The following C9 variants were observed in gnomAD, a reference collection of about 807,000 sequenced individuals.
The protein encoded by C9 is complement component C9.
A neutral mutation model predicts 65.4 loss-of-function variants in C9; 63 were observed. That is an observed-to-expected ratio of 0.96 (90% CI 0.79 to 1.19). The LOEUF (loss-of-function observed/expected upper bound fraction) is 1.19, where lower values mean the gene tolerates loss of function less well. C9 is among the 50% of genes most tolerant of loss of function. The pLI, the probability that C9 is intolerant of heterozygous loss-of-function variation, is 0.00. For missense variants in C9, 744 were observed against 670.1 expected (o/e 1.11, Z -1.22); for synonymous variants, 229 against 227.9 (o/e 1.00, Z -0.04).
intron 9 of C9, among the ~76,000 whole-genome samples, chr5:39,295,328 CA>C (rs1178472347): frequency 1.3e-5 from 2 of 151,722 alleles, no homozygotes; most frequent in East Asian, 3.9e-4. Flanking sequence ...TACCAAAATA[CA>C]CTTAGAACTG....
At chr5:39,358,487 G>C (rs1343486205) in intron 1 of C9, among the ~76,000 whole-genome samples, 1 of 152,140 alleles carries the variant, frequency 6.6e-6, no homozygotes, top group African/African-American at 2.4e-5. Flanking sequence ...ATTTGATTCT[G>C]AGCTTGCTAG....
At chr5:39,345,349 CA>C (rs1434282615) in intron 1 of C9, among the ~76,000 whole-genome samples, 1 of 151,558 alleles carries the variant, frequency 6.6e-6, no homozygotes, top group Non-Finnish European at 1.5e-5. Flanking sequence ...AAATGAAAAA[CA>C]AAAAAAGGCA....
intron 5 of C9, among the ~76,000 whole-genome samples, chr5:39,330,779 A>G (rs1162773857): frequency 6.6e-6 from 1 of 152,250 alleles, no homozygotes; most frequent in East Asian, 1.9e-4. Flanking sequence ...CATGCCAGTC[A>G]AATGGTCAAG....
At chr5:39,302,862 C>T (rs1753308244) in intron 9 of C9, among the ~76,000 whole-genome samples, 1 of 152,170 alleles carries the variant, frequency 6.6e-6, no homozygotes, top group African/African-American at 2.4e-5. Flanking sequence ...TCTTACCAAT[C>T]AGGTAGAAGA....
In C9 at chr5:39,285,053, A is replaced by T; in HGVS notation, c.*146T>A. On this transcript the variant is annotated 3_prime_UTR_variant, in exon 11 of 11. Transcript: ENST00000263408. ...AGAAAAATTTAAAAAAAAATTATAG[A>T]CCTAAGAGAGAAGAGACTTCAGAGG... The T allele has an allele frequency of 2.8e-6, 2 of 702,814 alleles. No individual in the cohort carries two copies. Among genetic ancestry groups the T allele is most frequent in the East Asian group, 5.2e-5 (2 of 38,126 alleles). 43.5% of individuals were successfully genotyped at this position (702,814 alleles called of 1,614,324 possible).
chr5:39,362,443 T>C (rs1754537752), intron 1 of C9, among the ~76,000 whole-genome samples: 1 of 151,936 alleles, frequency 6.6e-6, no homozygotes, highest in Non-Finnish European at 1.5e-5. Context: ...CACCAGAAAC[T>C]AGGAGGGACC....
intron 9 of C9, among the ~76,000 whole-genome samples, chr5:39,306,203 T>C (rs1753373089): frequency 6.7e-6 from 1 of 150,232 alleles, no homozygotes; most frequent in African/African-American, 2.4e-5. Context: ...TAAATACAAT[T>C]CTCCTGTGTT....
chr5:39,356,590 C>G lies in C9; in HGVS notation c.77+7798G>C, dbSNP rs920556128. Among the ~76,000 whole-genome samples the G allele has an allele frequency of 4.1e-4, 63 of 152,238 alleles. 1 individual carries two copies. The highest frequency in any genetic ancestry group is 1.0e-4 in the Non-Finnish European group (7 of 68,048). ...AATAAATTGAAAATTGTTTTAACAC[C>G]TGGTTGTTTTGCCTTCACTGTGCCA... On this transcript the variant is annotated intron_variant, in intron 1 of 10. Transcript: ENST00000263408.
chr5:39,350,252 C>T (rs1308023726), intron 1 of C9, among the ~76,000 whole-genome samples: 3 of 152,154 alleles, frequency 2.0e-5, no homozygotes, highest in Admixed American at 2.0e-4. Flanking sequence ...AAAAGGAAGT[C>T]CAGCCCCACG....
At chr5:39,350,743 G>A (rs577054269) in intron 1 of C9, among the ~76,000 whole-genome samples, 40 of 152,240 alleles carry the variant, frequency 2.6e-4, no homozygotes, top group Non-Finnish European at 5.6e-4. Context: ...CTTCTGTGCC[G>A]CTGCCTGTAT....
At chr5:39,317,173 TG>T (rs1753582379) in intron 5 of C9, among the ~76,000 whole-genome samples, 1 of 152,222 alleles carries the variant, frequency 6.6e-6, no homozygotes, top group Non-Finnish European at 1.5e-5. Context: ...TCATATCCTT[TG>T]CCCACTTTTT....
At chr5:39,354,765 T>C (rs1189553170) in intron 1 of C9, among the ~76,000 whole-genome samples, 1 of 152,240 alleles carries the variant, frequency 6.6e-6, no homozygotes, top group African/African-American at 2.4e-5. Context: ...TTGAATACCA[T>C]TGTAACCCCC....
At chr5:39,321,070 A>G (rs1311597402) in intron 5 of C9, among the ~76,000 whole-genome samples, 3 of 152,126 alleles carry the variant, frequency 2.0e-5, no homozygotes, top group Non-Finnish European at 4.4e-5. Flanking sequence ...AATTCATAAC[A>G]TAAAAAATTT....
At chr5:39,312,012 A>G (rs988861449) in intron 6 of C9, among the ~76,000 whole-genome samples, 11 of 152,150 alleles carry the variant, frequency 7.2e-5, no homozygotes, top group African/African-American at 2.7e-4. Flanking sequence ...AAATCTGGTC[A>G]GTGGTCACCT....
intron 1 of C9, among the ~76,000 whole-genome samples, chr5:39,346,641 A>G (rs1255123721): frequency 6.6e-6 from 1 of 152,228 alleles, no homozygotes; most frequent in Non-Finnish European, 1.5e-5. Context: ...AATCAATAGA[A>G]AAAGAGGGAA....
At chr5:39,333,421 C>G (rs917011447) in intron 4 of C9, among the ~76,000 whole-genome samples, 1 of 152,180 alleles carries the variant, frequency 6.6e-6, no homozygotes, top group African/African-American at 2.4e-5. Flanking sequence ...TTGAAAAGGG[C>G]TTCTAATGGG....
intron 9 of C9, among the ~76,000 whole-genome samples, chr5:39,305,492 T>C (rs13355099): frequency 0.031 from 4,631 of 151,762 alleles, 215 homozygotes; most frequent in African/African-American, 0.1. Context: ...CAAACTGGAG[T>C]AGGGAGCAGT....
At chr5:39,292,651 TGA>T (rs1210714784) in intron 9 of C9, among the ~76,000 whole-genome samples, 1 of 151,824 alleles carries the variant, frequency 6.6e-6, no homozygotes, top group Non-Finnish European at 1.5e-5. Flanking sequence ...CATTGTAGTA[TGA>T]GTTTATAGTG....
At chr5:39,319,992 T>A (rs942129325) in intron 5 of C9, among the ~76,000 whole-genome samples, 2 of 152,140 alleles carry the variant, frequency 1.3e-5, no homozygotes, top group African/African-American at 4.8e-5. Flanking sequence ...TTGCCCAGAA[T>A]CTCTGGACAC....
Sources: gnomAD v4.1 joint callset for allele counts (sites outside exome capture counted in the v4.1 genomes callset) on GRCh38, gnomAD v4.1.1 for gene constraint, MANE v1.5 for transcripts, NCBI Gene and HGNC (gene_info 2026-07-23, HGNC 2026-07-21) for gene names.